Variants in SUPT3H observed in about 807,000 individuals in gnomAD.
SUPT3H encodes the protein SPT3 homolog, SAGA and STAGA complex component.
Under a neutral mutation model 44.3 loss-of-function variants are expected in SUPT3H, and 44 were observed. The observed-to-expected ratio is 0.99, with a 90% CI of 0.78 to 1.28. SUPT3H has a LOEUF of 1.28. Ranked by LOEUF, SUPT3H falls within the 50% of genes most tolerant of loss-of-function variation. SUPT3H has a pLI of 0.00. For missense variants in SUPT3H, 380 were observed against 387.1 expected, an observed-to-expected ratio of 0.98 and a Z score of 0.15; for synonymous variants, 124 against 125.6, an observed-to-expected ratio of 0.99 and a Z score of 0.09.
At chr6:44,970,129 T>C (rs1256465155) in intron 6 of SUPT3H, among the ~76,000 whole-genome samples, 4 of 152,284 alleles carry the variant, frequency 2.6e-5, no homozygotes, top group African/African-American at 7.2e-5. Context: ...GAGCTTTACC[T>C]TTTTCATACA....
intron 10 of SUPT3H, among the ~76,000 whole-genome samples, chr6:44,861,377 T>TTCTTC (rs1313902806): frequency 4.7e-5 from 7 of 150,332 alleles, no homozygotes; most frequent in Non-Finnish European, 8.9e-5. Flanking sequence ...AGCCACAGTT[T>TTCTTC]TCTTTTCTTT....
At chr6:45,116,334 T>TA (rs1054222048) in intron 2 of SUPT3H, among the ~76,000 whole-genome samples, 1 of 152,160 alleles carries the variant, frequency 6.6e-6, no homozygotes, top group African/African-American at 2.4e-5. Flanking sequence ...ATTAACATTT[T>TA]AGCACAACTG....
chr6:44,904,274 T>C (rs975474211), intron 10 of SUPT3H, among the ~76,000 whole-genome samples: 38 of 152,238 alleles, frequency 2.5e-4, no homozygotes, highest in Admixed American at 1.5e-3. Flanking sequence ...AAAACCCCAT[T>C]GTCTCAGCCC....
At chr6:45,290,032 T>C (rs1780061441) in intron 2 of SUPT3H, among the ~76,000 whole-genome samples, 1 of 151,894 alleles carries the variant, frequency 6.6e-6, no homozygotes, top group Non-Finnish European at 1.5e-5. Flanking sequence ...TTTAAAAAGT[T>C]AGTCAGGCGT....
At chr6:44,848,730 T>A (rs886977858) in intron 10 of SUPT3H, among the ~76,000 whole-genome samples, 6 of 152,204 alleles carry the variant, frequency 3.9e-5, no homozygotes, top group African/African-American at 1.2e-4. Context: ...TGAACCTAAC[T>A]GTAATTCTGG....
At chr6:44,813,472 G>A (rs539462836) in intron 11 of SUPT3H, among the ~76,000 whole-genome samples, 3 of 152,038 alleles carry the variant, frequency 2.0e-5, no homozygotes, top group Non-Finnish European at 2.9e-5. Context: ...TTACAGGGGT[G>A]AGCCAGTGTG....
chr6:45,063,747 G>C (rs1192816927), intron 3 of SUPT3H, among the ~76,000 whole-genome samples: 1 of 134,074 alleles, frequency 7.5e-6, no homozygotes, highest in Non-Finnish European at 1.6e-5. Flanking sequence ...AGCGAGAAGG[G>C]AAGGTTAGAG....
At chr6:45,157,669 C>T (rs929004373) in intron 2 of SUPT3H, among the ~76,000 whole-genome samples, 3 of 151,996 alleles carry the variant, frequency 2.0e-5, no homozygotes, top group Admixed American at 2.0e-4. Context: ...CTGCCTCAGC[C>T]TCCTGAGCAG....
intron 10 of SUPT3H, among the ~76,000 whole-genome samples, chr6:44,905,061 A>C (rs2153450224): frequency 6.6e-6 from 1 of 152,272 alleles, no homozygotes; most frequent in South Asian, 2.1e-4. Flanking sequence ...TAAAACCATA[A>C]AAACCCTAGA....
intron 3 of SUPT3H, among the ~76,000 whole-genome samples, chr6:45,062,275 GA>G (rs1034660444): frequency 2.0e-5 from 3 of 151,362 alleles, no homozygotes; most frequent in African/African-American, 7.3e-5. Flanking sequence ...TGAAAAAGTT[GA>G]AATAATAAAA....
rs1228680921 is a variant in SUPT3H, at chr6:45,179,601, C to T, written c.102-73595G>A. Reference sequence around the variant, plus strand: ...ACGCAAATCAATAAATGTAATCCAGCATATCAACGGAACCAAAGACAAAAA... The same window carrying T: ...ACGCAAATCAATAAATGTAATCCAGTATATCAACGGAACCAAAGACAAAAA... On this transcript the variant is annotated intron_variant, in intron 2 of 10. Transcript: ENST00000371459. Among the ~76,000 whole-genome samples, 7 of 152,236 alleles carry T rather than the reference C, an allele frequency of 4.6e-5. No homozygotes were observed. The East Asian group carries it at 1.4e-3, about 29-fold the overall frequency.
intron 2 of SUPT3H, among the ~76,000 whole-genome samples, chr6:45,179,023 G>A (rs186548452): frequency 7.8e-4 from 118 of 151,984 alleles, no homozygotes; most frequent in Admixed American, 3.1e-3. Context: ...TCAAATAGAC[G>A]CAATAAAAAA....
At chr6:45,274,446 CT>C (rs1386230701) in intron 2 of SUPT3H, among the ~76,000 whole-genome samples, 2 of 152,138 alleles carry the variant, frequency 1.3e-5, no homozygotes, top group Non-Finnish European at 2.9e-5. Flanking sequence ...ATAGTTTGAG[CT>C]CTTATATTTA....
rs562621955 is a variant in SUPT3H at position 45,253,507 on chromosome 6, T to C, written c.101+111694A>G. Among the ~76,000 whole-genome samples the C allele has an allele frequency of 1.9e-3, 288 of 152,108 alleles. 1 individual carries two copies. The highest frequency in any genetic ancestry group is 6.4e-3 in the African/African-American group (264 of 41,516). On this transcript the variant is annotated intron_variant, in intron 2 of 10. Transcript: ENST00000371459. The stretch of plus-strand genomic sequence containing the variant: ...TCTAGCTCAGAATCAAAACAAATTA[T>C]AAGCTGGGCCCAGTGGCTCATGGCT...
chr6:45,307,363 C>T (rs1028698896), intron 2 of SUPT3H, among the ~76,000 whole-genome samples: 18 of 152,166 alleles, frequency 1.2e-4, no homozygotes, highest in African/African-American at 4.1e-4. Context: ...CTGGGAGGCA[C>T]CCCCCAGTAG....
At chr6:45,233,037 C>T (rs555202634) in intron 2 of SUPT3H, among the ~76,000 whole-genome samples, 7 of 152,112 alleles carry the variant, frequency 4.6e-5, no homozygotes, top group African/African-American at 1.4e-4. Flanking sequence ...GCCGAGCACA[C>T]AGTTTATTTC....
chr6:44,979,011 C>T (rs1778729539), intron 6 of SUPT3H, among the ~76,000 whole-genome samples: 1 of 152,214 alleles, frequency 6.6e-6, no homozygotes, highest in Non-Finnish European at 1.5e-5. Context: ...CTATTGGTGC[C>T]TTTTAGGTAC....
At chr6:45,048,835 T>G (rs896130304) in intron 3 of SUPT3H, among the ~76,000 whole-genome samples, 6 of 152,118 alleles carry the variant, frequency 3.9e-5, no homozygotes, top group African/African-American at 1.2e-4. Context: ...TCTAAAACGT[T>G]TGACCTCACG....
chr6:44,860,551 C>T (rs983033523), intron 10 of SUPT3H, among the ~76,000 whole-genome samples: 12 of 152,218 alleles, frequency 7.9e-5, no homozygotes, highest in African/African-American at 1.4e-4. Flanking sequence ...CCAGGTCTCC[C>T]GACTCTTATT....
Sources: allele counts gnomAD v4.1 joint callset (sites outside exome capture counted in the v4.1 genomes callset), GRCh38; gene constraint gnomAD v4.1.1; transcripts MANE v1.5; gene names NCBI Gene and HGNC (gene_info 2026-07-23, HGNC 2026-07-21).